RILPL2: variants seen among roughly 807,000 people sequenced by gnomAD.
RILPL2 encodes the protein Rab interacting lysosomal protein like 2.
A neutral mutation model predicts 22.2 loss-of-function variants in RILPL2; 19 were observed. The ratio of observed to expected loss-of-function variants is 0.86; its 90% CI spans 0.60 to 1.25. RILPL2 has a LOEUF of 1.25. Ranked by LOEUF, RILPL2 falls within the 50% of genes most tolerant of loss-of-function variation. The probability of loss-of-function intolerance (pLI) is 0.00; values close to 1 mark genes in which losing one functional copy is unlikely to be tolerated. For missense variants in RILPL2, 243 were observed against 263.6 expected (o/e 0.92, Z 0.54); for synonymous variants, 123 against 111.6 (o/e 1.10, Z -0.64).
downstream of RILPL2, chr12:123,412,532 T>C (rs1197707398): frequency 6.6e-6 from 1 of 152,216 alleles, no homozygotes; most frequent in African/African-American, 2.4e-5. Flanking sequence ...TCTTAAACAC[T>C]ACCAGCTCTT....
At chr12:123,426,321 G>A (rs899032988) in intron 2 of RILPL2, among the ~76,000 whole-genome samples, 3 of 151,878 alleles carry the variant, frequency 2.0e-5, no homozygotes, top group Non-Finnish European at 4.4e-5. Context: ...GCTAATTTTT[G>A]TATTTTTAGT....
chr12:123,427,357 A>C (rs1259207693), intron 2 of RILPL2, among the ~76,000 whole-genome samples: 1 of 152,138 alleles, frequency 6.6e-6, no homozygotes, highest in Non-Finnish European at 1.5e-5. Context: ...CAGAGGCCTA[A>C]CAGCGTCACT....
Position 123,436,489 on chromosome 12 carries a change from G to A in RILPL2, c.-69C>T. 6.7e-7 allele frequency: 1 copy of A among 1,499,474 alleles called. No homozygotes were observed. Among genetic ancestry groups the A allele is most frequent in the Non-Finnish European group, 8.9e-7 (1 of 1,126,182 alleles). 92.9% of individuals were successfully genotyped at this position (1,499,474 alleles called of 1,614,324 possible). ...TCTCCCAAAGGTTAGACTTCCTCCC[G>A]GCACCCAAAACTTTCCGCTGGGCAG... On this transcript the variant is annotated 5_prime_UTR_variant, in exon 1 of 4. Coordinates refer to ENST00000280571, the MANE Select transcript of RILPL2 (RefSeq NM_145058.3). The surrounding 1 kb of genome is among the most constrained non-coding windows in gnomAD (Gnocchi z 6.7).
At chr12:123,426,341 G>A (rs1879441551) in intron 2 of RILPL2, among the ~76,000 whole-genome samples, 1 of 151,808 alleles carries the variant, frequency 6.6e-6, no homozygotes, top group Non-Finnish European at 1.5e-5. Flanking sequence ...TATTGACGGA[G>A]TTTTGCCATG....
intron 3 of RILPL2, among the ~76,000 whole-genome samples, chr12:123,422,335 G>A (rs965325920): frequency 6.6e-6 from 1 of 151,800 alleles, no homozygotes; most frequent in Non-Finnish European, 1.5e-5. Context: ...GTCCAACATG[G>A]TGAAACCCCA....
chr12:123,424,334 T>A, intron 2 of RILPL2, among the ~76,000 whole-genome samples: 1 of 149,542 alleles, frequency 6.7e-6, no homozygotes, highest in East Asian at 2.0e-4. Flanking sequence ...GAGTTAGATT[T>A]TTTTTTTTTT....
At chr12:123,434,426 C>G (rs938264430) in intron 1 of RILPL2, among the ~76,000 whole-genome samples, 4 of 141,318 alleles carry the variant, frequency 2.8e-5, no homozygotes, top group African/African-American at 1.0e-4. Context: ...GCAAAAAAGA[C>G]TTTTTTTTTT....
intron 3 of RILPL2, among the ~76,000 whole-genome samples, chr12:123,422,550 A>G (rs893873938): frequency 2.0e-5 from 3 of 152,104 alleles, no homozygotes; most frequent in Non-Finnish European, 2.9e-5. Context: ...TTTCATTGAC[A>G]TGGGGTCTCA....
intron 2 of RILPL2, among the ~76,000 whole-genome samples, chr12:123,429,830 A>G (rs1370293189): frequency 6.6e-6 from 1 of 151,346 alleles, no homozygotes. Flanking sequence ...AAAACTTTCC[A>G]ATGGCCAGGT....
At chr12:123,433,505 C>G (rs1004392881) in intron 1 of RILPL2, among the ~76,000 whole-genome samples, 2 of 152,178 alleles carry the variant, frequency 1.3e-5, no homozygotes, top group East Asian at 1.9e-4. Flanking sequence ...ACCTCTGCCA[C>G]CCGGGTTCAA....
chr12:123,420,022 C>CT (rs35616705), intron 3 of RILPL2, among the ~76,000 whole-genome samples: 8,839 of 57,512 alleles, frequency 0.15, 1,383 homozygotes, highest in Middle Eastern at 0.24. Context: ...GACGGGGTTT[C>CT]TTTTTTTTTT....
chr12:123,430,413 A>C (rs938831985), intron 2 of RILPL2, 95 bp downstream of exon 2: 1 of 1,339,468 alleles, frequency 7.5e-7, no homozygotes, highest in African/African-American at 1.5e-5. Flanking sequence ...TGTCTCAAAA[A>C]AACAAAAACA....
intron 3 of RILPL2, among the ~76,000 whole-genome samples, chr12:123,417,213 C>T (rs933290791): frequency 9.3e-5 from 14 of 151,190 alleles, no homozygotes; most frequent in African/African-American, 3.4e-4. Flanking sequence ...GTGGGAGGAT[C>T]GCTTGAAACT....
At position 123,415,746 on chromosome 12, in the gene RILPL2, G is replaced by A. The variant is rs1030877062; in HGVS notation, c.*145C>T. 8.6e-6 allele frequency: 7 copies of A among 816,454 alleles called. No homozygotes were observed. The highest frequency in any genetic ancestry group is 2.9e-5 in the South Asian group (2 of 68,748). The allele number at this position is 816,454 out of a possible 1,614,324, so 50.6% of individuals were successfully genotyped here. A position where few individuals can be genotyped will look rare whatever the true frequency, so the allele number is the denominator to read the frequency against. On this transcript the variant is annotated 3_prime_UTR_variant, in exon 4 of 4. Transcript: ENST00000280571. Reference sequence around the variant, plus strand: ...GAGAAAGTGATGCCAAGAGAACCTCGTCTCCTCCCTCCTCAGTCTGCTTTG... The same window carrying A: ...GAGAAAGTGATGCCAAGAGAACCTCATCTCCTCCCTCCTCAGTCTGCTTTG...
At chr12:123,430,373 C>A (rs878860601) in intron 2 of RILPL2, 135 bp downstream of exon 2, 2 of 750,298 alleles carry the variant, frequency 2.7e-6, no homozygotes, top group Non-Finnish European at 3.8e-6. Flanking sequence ...CGCGCCACTG[C>A]ACTCCAGCCT....
chr12:123,433,118 T>G (rs888561395), intron 1 of RILPL2, among the ~76,000 whole-genome samples: 19 of 151,270 alleles, frequency 1.3e-4, no homozygotes, highest in Admixed American at 5.9e-4. Flanking sequence ...TTTTTTTTTT[T>G]TTTTGAGACG....
At chr12:123,428,939 T>C (rs76333089) in intron 2 of RILPL2, among the ~76,000 whole-genome samples, 7,382 of 152,216 alleles carry the variant, frequency 0.048, 625 homozygotes, top group African/African-American at 0.17. Flanking sequence ...GAAAACATGC[T>C]TCGTTTAACT....
intron 3 of RILPL2, among the ~76,000 whole-genome samples, chr12:123,417,046 C>A (rs1879135936): frequency 6.6e-6 from 1 of 152,132 alleles, no homozygotes; most frequent in African/African-American, 2.4e-5. Flanking sequence ...CACCCGTAAT[C>A]CTAGCACATT....
At chr12:123,413,441 GTGGT>G (rs1212222424), downstream of RILPL2, 1 of 153,302 alleles carries the variant, frequency 6.5e-6, no homozygotes, top group East Asian at 1.9e-4. Flanking sequence ...GCAGACCTTC[GTGGT>G]GAGTGTTACA....
Sources: allele counts gnomAD v4.1 joint callset (sites outside exome capture counted in the v4.1 genomes callset), GRCh38; gene constraint gnomAD v4.1.1; non-coding constraint Gnocchi (gnomAD v3.1); transcripts MANE v1.5; gene names NCBI Gene and HGNC (gene_info 2026-07-23, HGNC 2026-07-21).